Variants in TNR observed in about 807,000 individuals in gnomAD.
TNR encodes tenascin-R.
Under a neutral mutation model 150.4 loss-of-function variants are expected in TNR, and 45 were observed. That is an observed-to-expected ratio of 0.30 (90% CI 0.24 to 0.38). TNR has a LOEUF of 0.38. TNR is among the 10% of genes least tolerant of loss of function. TNR has a pLI of 1.00. For missense variants in TNR, 1,544 were observed against 1,759.1 expected (o/e 0.88, Z 2.19); for synonymous variants, 687 against 678.4 (o/e 1.01, Z -0.20).
chr1:175,406,951 G>T (rs1178430056), intron 2 of TNR, among the ~76,000 whole-genome samples, 174 bp from the exon 3 acceptor site: 1 of 152,198 alleles, frequency 6.6e-6, no homozygotes, highest in Non-Finnish European at 1.5e-5. Context: ...TTCCTTAAAG[G>T]ACTGGACCCC....
intron 1 of TNR, among the ~76,000 whole-genome samples, chr1:175,674,762 C>T (rs1029104755): frequency 2.0e-5 from 3 of 152,318 alleles, no homozygotes; most frequent in African/African-American, 7.2e-5. Flanking sequence ...TCTGCCTTCT[C>T]AGTCCTGCTC....
chr1:175,444,852 T>A (rs920361707), intron 2 of TNR, among the ~76,000 whole-genome samples: 1 of 152,068 alleles, frequency 6.6e-6, no homozygotes. Context: ...GCAGAGAGTA[T>A]GGGGACAGAG....
At chr1:175,539,536 G>A (rs1427407046) in intron 1 of TNR, among the ~76,000 whole-genome samples, 9 of 152,302 alleles carry the variant, frequency 5.9e-5, no homozygotes, top group Admixed American at 3.3e-4. Flanking sequence ...AAAAACAGTT[G>A]CACTGAGACC....
intron 9 of TNR, among the ~76,000 whole-genome samples, chr1:175,376,359 A>C (rs1454986092): frequency 6.6e-6 from 1 of 152,216 alleles, no homozygotes; most frequent in Admixed American, 6.5e-5. Flanking sequence ...TGAATGCCTC[A>C]TGATGGCACT....
chr1:175,336,295 TA>T (rs1373743691), intron 19 of TNR, among the ~76,000 whole-genome samples: 1 of 152,262 alleles, frequency 6.6e-6, no homozygotes, highest in Non-Finnish European at 1.5e-5. Flanking sequence ...GTGCTTATTT[TA>T]TTTAGCCTCC....
chr1:175,686,927 T>C (rs1666217218), intron 1 of TNR, among the ~76,000 whole-genome samples: 1 of 152,218 alleles, frequency 6.6e-6, no homozygotes, highest in African/African-American at 2.4e-5. Context: ...ACTTTGCTAC[T>C]GTGGATAGTG....
intron 9 of TNR, among the ~76,000 whole-genome samples, chr1:175,370,253 T>C (rs1344250990): frequency 6.6e-6 from 1 of 151,260 alleles, no homozygotes; most frequent in African/African-American, 2.4e-5. Context: ...TGAGTCAAAG[T>C]GTTTAAAGTC....
At chr1:175,476,772 AC>A (rs1261229018) in intron 2 of TNR, among the ~76,000 whole-genome samples, 3 of 152,214 alleles carry the variant, frequency 2.0e-5, no homozygotes, top group Admixed American at 2.0e-4. Flanking sequence ...GAGACATATT[AC>A]CTGACATATT....
In TNR at chr1:175,704,191, A is replaced by C. The variant is rs560996016; in HGVS notation, c.-165+39035T>G. On this transcript the variant is annotated intron_variant, in intron 1 of 22. Transcript: ENST00000367674. ...AGTACACTAAACTGTACGCTTAAAAATGATTAAAATGTTAAATTTTATGTT... is the reference window on the plus strand; with the variant it reads ...AGTACACTAAACTGTACGCTTAAAACTGATTAAAATGTTAAATTTTATGTT... Among the ~76,000 whole-genome samples the C allele has an allele frequency of 7.9e-4, 121 of 152,344 alleles. 1 individual carries two copies. The highest frequency in any genetic ancestry group is 2.8e-3 in the African/African-American group (117 of 41,584).
intron 2 of TNR, among the ~76,000 whole-genome samples, chr1:175,443,497 G>C (rs375500001): frequency 2.6e-5 from 4 of 152,170 alleles, no homozygotes; most frequent in South Asian, 2.1e-4. Flanking sequence ...CATCTTCTGT[G>C]TGCTTAGCTC....
At chr1:175,545,348 G>T (rs1660644246) in intron 1 of TNR, among the ~76,000 whole-genome samples, 1 of 152,204 alleles carries the variant, frequency 6.6e-6, no homozygotes, top group South Asian at 2.1e-4. Context: ...TGGGAGGTGA[G>T]TGGGTGGAGA....
At chr1:175,657,345 T>G (rs1409491807) in intron 1 of TNR, among the ~76,000 whole-genome samples, 4 of 152,180 alleles carry the variant, frequency 2.6e-5, no homozygotes, top group African/African-American at 9.7e-5. Flanking sequence ...GTTCAACCAT[T>G]GTGGAAGTCA....
At chr1:175,596,496 C>T (rs1458354852) in intron 1 of TNR, among the ~76,000 whole-genome samples, 1 of 152,024 alleles carries the variant, frequency 6.6e-6, no homozygotes, top group East Asian at 1.9e-4. Flanking sequence ...TCTGATTCTG[C>T]AAAAGAAAAA....
intron 1 of TNR, among the ~76,000 whole-genome samples, chr1:175,591,936 T>C (rs1478014405): frequency 6.6e-6 from 1 of 152,238 alleles, no homozygotes; most frequent in African/African-American, 2.4e-5. Flanking sequence ...TGTGTCAATT[T>C]GGATTTAGCC....
At chr1:175,556,277 A>T (rs2102204626) in intron 1 of TNR, among the ~76,000 whole-genome samples, 1 of 152,332 alleles carries the variant, frequency 6.6e-6, no homozygotes, top group South Asian at 2.1e-4. Flanking sequence ...ACACACCCAC[A>T]TCAGTTAGTA....
At chr1:175,642,039 C>A (rs1438176115) in intron 1 of TNR, among the ~76,000 whole-genome samples, 2 of 151,958 alleles carry the variant, frequency 1.3e-5, no homozygotes, top group Non-Finnish European at 2.9e-5. Flanking sequence ...GAGAGGCAGA[C>A]CCGGTAATCC....
chr1:175,553,645 C>A (rs1392604840), intron 1 of TNR, among the ~76,000 whole-genome samples: 1 of 152,036 alleles, frequency 6.6e-6, no homozygotes, highest in East Asian at 1.9e-4. Context: ...AGTTCTGCAG[C>A]ATTTTTAATT....
chr1:175,635,653 T>A (rs903415669), intron 1 of TNR, among the ~76,000 whole-genome samples: 2 of 152,170 alleles, frequency 1.3e-5, no homozygotes, highest in Non-Finnish European at 2.9e-5. Context: ...CTATAGAGAC[T>A]GAATTCATTG....
chr1:175,427,698 C>CTTCCTTCT (rs1655061943), intron 2 of TNR, among the ~76,000 whole-genome samples: 1 of 132,350 alleles, frequency 7.6e-6, no homozygotes, highest in East Asian at 2.1e-4. Context: ...TCCTTCCTTC[C>CTTCCTTCT]TTCCTTCCCT....
Sources: gnomAD v4.1 joint callset for allele counts (sites outside exome capture counted in the v4.1 genomes callset) on GRCh38, gnomAD v4.1.1 for gene constraint, MANE v1.5 for transcripts, NCBI Gene and HGNC (gene_info 2026-07-23, HGNC 2026-07-21) for gene names.